The following KCNIP4 variants were observed in gnomAD, a reference collection of about 807,000 sequenced individuals.
The protein encoded by KCNIP4 is Kv channel-interacting protein 4.
Under a neutral mutation model 34.0 loss-of-function variants are expected in KCNIP4, and 12 were observed. That is an observed-to-expected ratio of 0.35 (90% CI 0.23 to 0.57). The LOEUF is 0.57. Ranked by LOEUF, KCNIP4 falls within the 20% of genes least tolerant of loss-of-function variation. The pLI is 0.83. For synonymous variants in KCNIP4, 124 were observed against 102.2 expected, an observed-to-expected ratio of 1.21 and a Z score of -1.29; for missense variants, 238 against 311.7, an observed-to-expected ratio of 0.76 and a Z score of 1.78.
At chr4:21,710,149 T>G (rs533563975) in intron 1 of KCNIP4, among the ~76,000 whole-genome samples, 1 of 152,332 alleles carries the variant, frequency 6.6e-6, no homozygotes, top group East Asian at 1.9e-4. Flanking sequence ...GATGAATACC[T>G]CTTTAGCACT....
intron 1 of KCNIP4, among the ~76,000 whole-genome samples, chr4:20,904,329 G>GTATATA (rs71655609): frequency 0.044 from 6,327 of 144,746 alleles, 150 homozygotes; most frequent in Middle Eastern, 0.096. Context: ...ATGTGTGTGT[G>GTATATA]TGTATATATA....
chr4:21,128,209 G>C (rs900941694), intron 1 of KCNIP4, among the ~76,000 whole-genome samples: 2 of 152,196 alleles, frequency 1.3e-5, no homozygotes, highest in Admixed American at 1.3e-4. Context: ...CTTTCATAGA[G>C]AGTAAAAGGG....
At chr4:21,842,574 C>T (rs529898789) in intron 1 of KCNIP4, among the ~76,000 whole-genome samples, 1 of 152,140 alleles carries the variant, frequency 6.6e-6, no homozygotes, top group South Asian at 2.1e-4. Context: ...TACTTTTACG[C>T]ATTTTATGTA....
intron 1 of KCNIP4, among the ~76,000 whole-genome samples, chr4:21,313,555 G>A (rs917938425): frequency 3.3e-5 from 5 of 151,948 alleles, no homozygotes; most frequent in East Asian, 1.9e-4. Flanking sequence ...AACTAGAATC[G>A]AATTATGAAT....
At position 21,836,913 on chromosome 4, in the gene KCNIP4, AATTTTT is replaced by A. The variant is rs1560750998; in HGVS notation, c.61+111652_61+111657del. Among the ~76,000 whole-genome samples the A allele has an allele frequency of 8.3e-5, 5 of 60,356 alleles. No homozygotes were observed. In the South Asian group the frequency reaches 2.3e-3, roughly 28 times the overall value. 39.6% of individuals were successfully genotyped at this position (60,356 alleles called of 152,430 possible). A position where few individuals can be genotyped will look rare whatever the true frequency, so the allele number is the denominator to read the frequency against. ...GTGGAAGCTCAAAAAAGCTGGGATA[AATTTTT>A]TTTTTTTTTTTTTTTTGAGACAGAG... is the stretch of plus-strand genomic sequence containing the variant. On this transcript the variant is annotated intron_variant, in intron 1 of 8. Coordinates refer to ENST00000382152, the MANE Select transcript of KCNIP4 (RefSeq NM_025221.6).
chr4:21,097,747 A>G lies in KCNIP4; in HGVS notation c.62-215038T>C, dbSNP rs1341954710. ...CCCCCAGCTTCCATATTCCCTGAGAAAAAACATTATTGAAATTAGACCAAT... is the reference window on the plus strand; with the variant it reads ...CCCCCAGCTTCCATATTCCCTGAGAGAAAACATTATTGAAATTAGACCAAT... On this transcript the variant is annotated intron_variant, in intron 1 of 8. Transcript: ENST00000382152. 2.0e-5 allele frequency among the ~76,000 whole-genome samples: 3 copies of G among 152,278 alleles called. No homozygotes were observed. In the East Asian group the frequency reaches 5.8e-4, roughly 29 times the overall value.
At chr4:21,736,517 A>G (rs551120151) in intron 1 of KCNIP4, among the ~76,000 whole-genome samples, 1 of 152,306 alleles carries the variant, frequency 6.6e-6, no homozygotes, top group Admixed American at 6.5e-5. Flanking sequence ...TGAACTAGTC[A>G]CTTTCTCAAA....
chr4:21,625,124 G>T (rs1711769224), intron 1 of KCNIP4, among the ~76,000 whole-genome samples: 1 of 151,794 alleles, frequency 6.6e-6, no homozygotes, highest in Admixed American at 6.6e-5. Flanking sequence ...TGACTTTGTT[G>T]GTCCTCCTTT....
chr4:21,604,201 T>C (rs1202723076), intron 1 of KCNIP4, among the ~76,000 whole-genome samples: 1 of 152,158 alleles, frequency 6.6e-6, no homozygotes, highest in African/African-American at 2.4e-5. Flanking sequence ...GTAGTATCTA[T>C]TGTTGCAATG....
chr4:20,939,594 G>A (rs759444428), intron 1 of KCNIP4, among the ~76,000 whole-genome samples: 3 of 151,826 alleles, frequency 2.0e-5, no homozygotes, highest in Admixed American at 6.6e-5. Flanking sequence ...GGATGGTCTC[G>A]ATTTCTTGGC....
In KCNIP4 at chr4:21,644,395, G is replaced by A. The variant is rs370753416; in HGVS notation, c.61+304176C>T. Among the ~76,000 whole-genome samples, 13 of 152,308 alleles carry A rather than the reference G, an allele frequency of 8.5e-5. 1 individual carries two copies. In the South Asian group the frequency reaches 2.7e-3, roughly 32 times the overall value. ...AAGAACTAGATTGATGGGAGGCACAGCCTTGTTCTGTGGGAAGTGATGCAT... is the reference window on the plus strand; with the variant it reads ...AAGAACTAGATTGATGGGAGGCACAACCTTGTTCTGTGGGAAGTGATGCAT... On this transcript the variant is annotated intron_variant, in intron 1 of 8. Transcript: ENST00000382152.
chr4:21,540,959 T>A (rs1279226164), intron 1 of KCNIP4, among the ~76,000 whole-genome samples: 1 of 151,838 alleles, frequency 6.6e-6, no homozygotes, highest in Non-Finnish European at 1.5e-5. Flanking sequence ...TCACCTGAGG[T>A]CAGGGGTTTG....
intron 1 of KCNIP4, among the ~76,000 whole-genome samples, chr4:21,765,085 A>C (rs1718318583): frequency 6.6e-6 from 1 of 152,150 alleles, no homozygotes; most frequent in African/African-American, 2.4e-5. Flanking sequence ...ACAGTCAAAT[A>C]ATAATAATAT....
chr4:21,636,502 C>T (rs896355927), intron 1 of KCNIP4, among the ~76,000 whole-genome samples: 2 of 152,118 alleles, frequency 1.3e-5, no homozygotes, highest in Admixed American at 1.3e-4. Flanking sequence ...AAAAATGGAA[C>T]CTTTCTATTG....
chr4:21,150,999 C>T (rs1252781924), intron 1 of KCNIP4, among the ~76,000 whole-genome samples: 1 of 152,036 alleles, frequency 6.6e-6, no homozygotes, highest in African/African-American at 2.4e-5. Flanking sequence ...TTGTTTCTGT[C>T]TAAAAATCTA....
chr4:21,117,304 G>A (rs1167606147), intron 1 of KCNIP4, among the ~76,000 whole-genome samples: 1 of 28,474 alleles, frequency 3.5e-5, no homozygotes, highest in South Asian at 1.2e-3. Flanking sequence ...GGTTGCCGGG[G>A]GGGGGGGGGG....
chr4:21,840,902 G>T (rs1349851804), intron 1 of KCNIP4, among the ~76,000 whole-genome samples: 2 of 152,026 alleles, frequency 1.3e-5, no homozygotes, highest in African/African-American at 4.8e-5. Flanking sequence ...TTTCTTTATT[G>T]CTTATGTCAT....
At chr4:21,199,904 A>C (rs1211796359) in intron 1 of KCNIP4, among the ~76,000 whole-genome samples, 1 of 152,164 alleles carries the variant, frequency 6.6e-6, no homozygotes, top group Non-Finnish European at 1.5e-5. Context: ...ACATGGATGA[A>C]GCTGGAAACC....
intron 1 of KCNIP4, among the ~76,000 whole-genome samples, chr4:21,647,863 C>CCTTTTTTTTTT (rs1747140566): frequency 1.7e-5 from 1 of 60,178 alleles, no homozygotes; most frequent in African/African-American, 9.8e-5. Flanking sequence ...TACAATGATG[C>CCTTTTTTTTTT]TTTTTTTTTT....
Sources: gnomAD v4.1 joint callset for allele counts (sites outside exome capture counted in the v4.1 genomes callset) on GRCh38, gnomAD v4.1.1 for gene constraint, MANE v1.5 for transcripts, NCBI Gene and HGNC (gene_info 2026-07-23, HGNC 2026-07-21) for gene names.